Variants in SDK1 observed in about 807,000 individuals in gnomAD.
The protein encoded by SDK1 is sidekick cell adhesion molecule 1.
Under a neutral mutation model 245.5 loss-of-function variants are expected in SDK1, and 157 were observed. The observed-to-expected ratio is 0.64, with a 90% CI of 0.56 to 0.73. The LOEUF is 0.73. SDK1 is among the 30% of genes least tolerant of loss of function. The pLI, the probability that SDK1 is intolerant of heterozygous loss-of-function variation, is 0.00. For synonymous variants in SDK1, 1,647 were observed against 1,278.5 expected (o/e 1.29, Z -6.15); for missense variants, 3,583 against 3,002.3 (o/e 1.19, Z -4.52).
intron 5 of SDK1, among the ~76,000 whole-genome samples, chr7:3,906,238 C>G (rs1357181822): frequency 6.6e-6 from 1 of 151,984 alleles, no homozygotes; most frequent in African/African-American, 2.4e-5. Context: ...TCATCGTGTT[C>G]TATTATTTTG....
intron 1 of SDK1, among the ~76,000 whole-genome samples, chr7:3,518,524 C>G (rs1246479019): frequency 6.6e-6 from 1 of 151,914 alleles, no homozygotes; most frequent in Non-Finnish European, 1.5e-5. Context: ...AGCAAATGAT[C>G]TGAACACACA....
chr7:4,148,706 G>C (rs867941905), intron 29 of SDK1, among the ~76,000 whole-genome samples: 1 of 152,244 alleles, frequency 6.6e-6, no homozygotes, highest in Non-Finnish European at 1.5e-5. Flanking sequence ...AGGGACTCCT[G>C]TGTGGCTTTG....
intron 4 of SDK1, among the ~76,000 whole-genome samples, chr7:3,804,824 A>T (rs1376466985): frequency 1.3e-5 from 2 of 152,204 alleles, no homozygotes; most frequent in Admixed American, 1.3e-4. Flanking sequence ...CAGTGGCGTT[A>T]TATTTTAATT....
At chr7:3,639,211 C>A (rs1583257707) in intron 3 of SDK1, 101 bp downstream of exon 3, 2 of 611,460 alleles carry the variant, frequency 3.3e-6, no homozygotes, top group South Asian at 2.6e-5. Flanking sequence ...GAGAGTTTAT[C>A]TTTGGTTCTA....
chr7:3,755,399 A>C (rs1271048014), intron 4 of SDK1, among the ~76,000 whole-genome samples: 1 of 152,110 alleles, frequency 6.6e-6, no homozygotes, highest in Non-Finnish European at 1.5e-5. Context: ...CGCGGGTGGG[A>C]GTTGACATAC....
intron 1 of SDK1, among the ~76,000 whole-genome samples, chr7:3,558,025 T>C (rs1003126246): frequency 2.8e-5 from 4 of 143,068 alleles, no homozygotes; most frequent in African/African-American, 7.8e-5. Context: ...TGTTCCTGTC[T>C]CATAGTTTGA....
Position 3,553,270 on chromosome 7 carries a change from A to G in SDK1, c.299-65810A>G, listed in dbSNP as rs764581101. 1.1e-4 allele frequency among the ~76,000 whole-genome samples: 16 copies of G among 152,322 alleles called. No individual in the cohort carries two copies. The South Asian group carries it at 1.4e-3, about 14-fold the overall frequency. The stretch of plus-strand genomic sequence containing the variant: ...CAATCTAGGAGGCAGTTATTTTCCA[A>G]TGATGAATCTGAAACTTAAGATTTT... On this transcript the variant is annotated intron_variant, in intron 1 of 44. Coordinates refer to ENST00000404826, the MANE Select transcript of SDK1 (RefSeq NM_152744.4).
chr7:4,088,166 T>A (rs1781546905), intron 22 of SDK1, among the ~76,000 whole-genome samples: 1 of 152,234 alleles, frequency 6.6e-6, no homozygotes, highest in African/African-American at 2.4e-5. Flanking sequence ...CTGCTCAGCC[T>A]GGTGTATTGG....
chr7:3,562,309 A>G (rs1583168453), intron 1 of SDK1, among the ~76,000 whole-genome samples: 1 of 152,250 alleles, frequency 6.6e-6, no homozygotes, highest in East Asian at 1.9e-4. Context: ...TATTTGTTCA[A>G]GTAAAACATG....
At chr7:3,948,327 G>C (rs553286982) in intron 5 of SDK1, among the ~76,000 whole-genome samples, 1 of 135,928 alleles carries the variant, frequency 7.4e-6, no homozygotes, top group Non-Finnish European at 1.5e-5. Flanking sequence ...ATGCCATCTC[G>C]GCTCACTGCA....
chr7:3,656,937 CG>C (rs1183545486), intron 4 of SDK1, among the ~76,000 whole-genome samples: 1 of 151,402 alleles, frequency 6.6e-6, no homozygotes, highest in Non-Finnish European at 1.5e-5. Flanking sequence ...TTAGTAGAGA[CG>C]GGGTTTCACC....
intron 5 of SDK1, among the ~76,000 whole-genome samples, chr7:3,862,294 C>T (rs78178460): frequency 1.3e-5 from 2 of 152,152 alleles, no homozygotes; most frequent in Non-Finnish European, 2.9e-5. Flanking sequence ...AGTACCTTTT[C>T]AAGTTCCCCA....
rs115333725 is a variant in SDK1 at position 4,197,651 on chromosome 7, C to T, written c.5099-8228C>T. Among the ~76,000 whole-genome samples, 912 of 152,310 alleles carry T rather than the reference C, an allele frequency of 6.0e-3. 7 individuals are homozygous for T. The highest frequency in any genetic ancestry group is 0.02 in the African/African-American group (848 of 41,568). On this transcript the variant is annotated intron_variant, in intron 35 of 44. Transcript: ENST00000404826. ...AGGGGAGCGGAATGCCTGGTGCTGG[C>T]GTCAGGCTCACTGTCCTGCAGCTCT...
At chr7:3,308,835 C>T (rs1779482485) in intron 1 of SDK1, among the ~76,000 whole-genome samples, 1 of 151,966 alleles carries the variant, frequency 6.6e-6, no homozygotes, top group African/African-American at 2.4e-5. Flanking sequence ...GTTGGAAGCT[C>T]TCAAGTGTGT....
chr7:4,001,900 C>A (rs138798834), intron 14 of SDK1, among the ~76,000 whole-genome samples: 4 of 152,352 alleles, frequency 2.6e-5, no homozygotes, highest in South Asian at 4.1e-4. Context: ...CCACCACGAA[C>A]AGGTCTCTCT....
At chr7:3,753,692 G>C (rs1027193602) in intron 4 of SDK1, among the ~76,000 whole-genome samples, 6 of 152,184 alleles carry the variant, frequency 3.9e-5, no homozygotes, top group Admixed American at 3.9e-4. Context: ...TCTGACTATA[G>C]TGGGATTTTT....
At chr7:4,006,308 G>T (rs1273847926) in intron 14 of SDK1, among the ~76,000 whole-genome samples, 1 of 152,200 alleles carries the variant, frequency 6.6e-6, no homozygotes, top group African/African-American at 2.4e-5. Flanking sequence ...AACGGAGCCT[G>T]GCTGGGGAAG....
chr7:3,969,687 T>C (rs970085989), intron 11 of SDK1, among the ~76,000 whole-genome samples: 6 of 152,236 alleles, frequency 3.9e-5, no homozygotes, highest in African/African-American at 7.2e-5. Flanking sequence ...AGTGGAGATA[T>C]TACACAAAAC....
intron 17 of SDK1, among the ~76,000 whole-genome samples, chr7:4,048,492 G>A (rs148074261): frequency 4.4e-4 from 59 of 134,394 alleles, no homozygotes; most frequent in Non-Finnish European, 7.1e-4. Context: ...CCCACCCCTC[G>A]TCCAGCCGTG....
Sources: gnomAD v4.1 joint callset for allele counts (sites outside exome capture counted in the v4.1 genomes callset) on GRCh38, gnomAD v4.1.1 for gene constraint, MANE v1.5 for transcripts, NCBI Gene and HGNC (gene_info 2026-07-23, HGNC 2026-07-21) for gene names.